Variants in CSMD1 observed in about 807,000 individuals in gnomAD.
CSMD1 encodes CUB and Sushi multiple domains 1, also known as CUB and sushi domain-containing protein 1.
Under a neutral mutation model 417.5 loss-of-function variants are expected in CSMD1, and 213 were observed. The observed-to-expected ratio is 0.51, with a 90% CI of 0.46 to 0.57. CSMD1 has a LOEUF of 0.57. CSMD1 is among the 20% of genes least tolerant of loss of function. CSMD1 has a pLI of 0.00. For missense variants in CSMD1, 6,923 were observed against 4,529.7 expected, an observed-to-expected ratio of 1.53 and a Z score of -15.17; for synonymous variants, 2,862 against 1,736.8, an observed-to-expected ratio of 1.65 and a Z score of -16.11.
intron 23 of CSMD1, among the ~76,000 whole-genome samples, chr8:3,319,872 C>T (rs995205529): frequency 7.9e-5 from 12 of 152,128 alleles, no homozygotes; most frequent in African/African-American, 2.6e-4. Flanking sequence ...TTTATTTGCT[C>T]TTAGATGGGA....
At chr8:3,142,188 G>A (rs1225682784) in intron 41 of CSMD1, among the ~76,000 whole-genome samples, 2 of 152,158 alleles carry the variant, frequency 1.3e-5, no homozygotes, top group Non-Finnish European at 2.9e-5. Flanking sequence ...ATCTGGCTCT[G>A]CGTGAATTAC....
rs555745385 is a variant in CSMD1 at position 3,477,962 on chromosome 8, C to A, written c.1449-9138G>T. On this transcript the variant is annotated intron_variant, in intron 11 of 69. Transcript: ENST00000635120. The stretch of plus-strand genomic sequence containing the variant: ...GACTGAAAAATAAGTCAAGGGAGTG[C>A]TTTCATTGAATAAATAATCATATTA... 5.3e-5 allele frequency among the ~76,000 whole-genome samples: 8 copies of A among 152,228 alleles called. No individual in the cohort carries two copies. In the East Asian group the frequency reaches 1.3e-3, roughly 26 times the overall value.
chr8:4,332,578 C>G (rs1377687812), intron 3 of CSMD1, among the ~76,000 whole-genome samples: 16 of 142,526 alleles, frequency 1.1e-4, no homozygotes, highest in African/African-American at 4.2e-4. Context: ...CACACACACA[C>G]ACACACACAC....
chr8:4,602,944 A>G (rs1800674010), intron 2 of CSMD1, among the ~76,000 whole-genome samples: 1 of 151,970 alleles, frequency 6.6e-6, no homozygotes, highest in African/African-American at 2.4e-5. Flanking sequence ...ATGTAACTAT[A>G]AAAATAGATA....
At chr8:3,285,412 G>A (rs561978015) in intron 25 of CSMD1, among the ~76,000 whole-genome samples, 2 of 150,994 alleles carry the variant, frequency 1.3e-5, no homozygotes, top group Non-Finnish European at 1.5e-5. Flanking sequence ...CTAGAGATGG[G>A]ATGTCGCTCC....
chr8:3,131,653 G>T (rs994383860), intron 41 of CSMD1, among the ~76,000 whole-genome samples: 2 of 151,982 alleles, frequency 1.3e-5, no homozygotes, highest in African/African-American at 4.8e-5. Context: ...TGTATTTTAA[G>T]TAGAGACGGG....
chr8:4,540,609 T>C lies in CSMD1; in HGVS notation c.302+96733A>G, dbSNP rs79039900. The stretch of plus-strand genomic sequence containing the variant: ...AAGATAATAAGCACTATAACAGAAG[T>C]GAAAATAAACCTTGAGAGGGGCCAG... On this transcript the variant is annotated intron_variant, in intron 2 of 69. Transcript: ENST00000635120. 5.4e-4 allele frequency among the ~76,000 whole-genome samples: 82 copies of C among 151,968 alleles called. 1 individual carries two copies. In the East Asian group the frequency reaches 0.011, roughly 21 times the overall value.
intron 2 of CSMD1, among the ~76,000 whole-genome samples, chr8:4,453,581 G>T (rs115732225): frequency 6.6e-6 from 1 of 152,118 alleles, no homozygotes; most frequent in African/African-American, 2.4e-5. Context: ...TATATCGCTT[G>T]AACAATTGAA....
intron 5 of CSMD1, among the ~76,000 whole-genome samples, chr8:3,982,126 C>G (rs1813917430): frequency 6.7e-6 from 1 of 149,808 alleles, no homozygotes; most frequent in African/African-American, 2.5e-5. Context: ...CAACTGCACT[C>G]CAGCCTGGGT....
intron 5 of CSMD1, among the ~76,000 whole-genome samples, chr8:3,820,527 G>C (rs549865114): frequency 6.6e-6 from 1 of 152,130 alleles, no homozygotes; most frequent in Non-Finnish European, 1.5e-5. Context: ...ATCTCCTATG[G>C]TAACAATGCC....
At chr8:4,446,614 C>A (rs187863972) in intron 2 of CSMD1, among the ~76,000 whole-genome samples, 1 of 152,100 alleles carries the variant, frequency 6.6e-6, no homozygotes, top group South Asian at 2.1e-4. Context: ...AGTGCAGCAG[C>A]GCGATCTCAG....
At chr8:4,626,353 T>C (rs902050652) in intron 2 of CSMD1, among the ~76,000 whole-genome samples, 2 of 152,070 alleles carry the variant, frequency 1.3e-5, no homozygotes, top group East Asian at 3.9e-4. Context: ...TTTTTAATGC[T>C]ACTGATTTCT....
rs184647145 is a variant in CSMD1, at chr8:3,027,114, T to A, written c.7855+2205A>T. ...CCCTGTATTAGTACAATTTAAAAAA[T>A]TTTTTTAAATGTTTAAAATATATAT... On this transcript the variant is annotated intron_variant, in intron 51 of 69. Coordinates refer to ENST00000635120, the MANE Select transcript of CSMD1 (RefSeq NM_033225.6). 1.1e-4 allele frequency among the ~76,000 whole-genome samples: 16 copies of A among 152,208 alleles called. 1 individual carries two copies. Among genetic ancestry groups the A allele is most frequent in the East Asian group, 3.9e-4 (2 of 5,178 alleles).
intron 30 of CSMD1, among the ~76,000 whole-genome samples, chr8:3,213,921 A>T (rs1483989272): frequency 1.3e-5 from 2 of 151,598 alleles, no homozygotes; most frequent in East Asian, 3.9e-4. Context: ...GCAGTGGCAC[A>T]ATCTCAGCTC....
At chr8:4,017,080 T>C (rs1456852234) in intron 4 of CSMD1, among the ~76,000 whole-genome samples, 5 of 152,224 alleles carry the variant, frequency 3.3e-5, no homozygotes, top group African/African-American at 9.6e-5. Context: ...GACTTCAGAA[T>C]GTACTCAGTG....
In CSMD1 at chr8:3,753,949, T is replaced by C; in HGVS notation, c.912A>G (p.Gly304=). The C allele has an allele frequency of 1.2e-6, 2 of 1,611,824 alleles. No individual in the cohort carries two copies. The highest frequency in any genetic ancestry group is 3.3e-5 in the Admixed American group (2 of 59,976). The change falls in exon 6 of 70, where the codon GGA becomes GGG. Residue 304 remains glycine, a synonymous_variant. Transcript: ENST00000635120. ...CCTTACCTTGGAACTGAGCGTTAAA[T>C]CCTTTGCGTCGGTGGTTGCTGTCAG... is the stretch of plus-strand genomic sequence containing the variant. ...FTSDSNHRRK[G]FNAQFQVKKA... is the part of the protein sequence containing the mutation.
intron 3 of CSMD1, among the ~76,000 whole-genome samples, chr8:4,166,350 A>G (rs1420853066): frequency 3.3e-5 from 5 of 152,206 alleles, no homozygotes; most frequent in Non-Finnish European, 7.3e-5. Context: ...CGTATTATAC[A>G]CCTACAGCAC....
intron 2 of CSMD1, 72 bp downstream of exon 2, chr8:4,637,270 A>C: frequency 7.7e-7 from 1 of 1,304,452 alleles, no homozygotes; most frequent in Non-Finnish European, 1.1e-6. Context: ...TAAAATTTAA[A>C]TATTCCAACT....
chr8:3,983,827 T>A (rs962072769), intron 5 of CSMD1, among the ~76,000 whole-genome samples: 4 of 150,600 alleles, frequency 2.7e-5, no homozygotes, highest in African/African-American at 9.8e-5. Context: ...CCAGAGCACC[T>A]GGCAGATCTG....
Sources: allele counts gnomAD v4.1 joint callset (sites outside exome capture counted in the v4.1 genomes callset), GRCh38; gene constraint gnomAD v4.1.1; transcripts MANE v1.5; gene names NCBI Gene and HGNC (gene_info 2026-07-23, HGNC 2026-07-21).